AMMECR1: variants seen among roughly 807,000 people sequenced by gnomAD.
AMMECR1 encodes nuclear protein AMMECR1.
AMMECR1 carries 3 observed loss-of-function variants against 22.5 expected under a neutral mutation model. That is an observed-to-expected ratio of 0.13 (90% confidence interval 0.06 to 0.35). The LOEUF is 0.35. Among genes scored for constraint, AMMECR1 ranks in the 10% least tolerant of loss-of-function variants. The pLI is 1.00. For synonymous variants in AMMECR1, 130 were observed against 116.7 expected (o/e 1.11, Z -0.74); for missense variants, 235 against 278.7 (o/e 0.84, Z 1.12).
chrX:110,328,044 G>A (rs1368635903), intron 2 of AMMECR1, among the ~76,000 whole-genome samples: 1 of 111,692 alleles, frequency 9.0e-6, no homozygotes, highest in Non-Finnish European at 1.9e-5. Context: ...AAGAGGAAGG[G>A]TGTTAATTTT....
intron 2 of AMMECR1, among the ~76,000 whole-genome samples, chrX:110,412,202 C>T (rs1489581932): frequency 1.8e-5 from 2 of 112,480 alleles, no homozygotes; most frequent in Non-Finnish European, 3.8e-5. Flanking sequence ...TGAAACAGCA[C>T]ACTCATTCAC....
rs2067363738 is a variant in AMMECR1 at position 110,195,100 on chromosome X, A to G, written c.*3420T>C. 1 of 112,320 alleles carries G rather than the reference A, an allele frequency of 8.9e-6. No individual in the cohort carries two copies. The highest frequency in any genetic ancestry group is 3.7e-4 in the South Asian group (1 of 2,729). The allele number at this position is 112,320 out of a possible 1,213,427, so 9.3% of individuals were successfully genotyped here. A position where few individuals can be genotyped will look rare whatever the true frequency, so the allele number is the denominator to read the frequency against. ...GCTGGGGGCTTCTTTGGTTTGATCT[A>G]ACACACATAAGAGATGGAACCTATT... On this transcript the variant is annotated 3_prime_UTR_variant, in exon 6 of 6. Transcript: ENST00000262844.
chrX:110,243,636 C>T lies in AMMECR1; in HGVS notation c.584+20853G>A, dbSNP rs755698993. ...GATATTTAAATTCCATAACAACCGC[C>T]CAATGTTTACAAACATTTATTTCTT... On this transcript the variant is annotated intron_variant, in intron 2 of 5. Transcript: ENST00000262844. 7.2e-5 allele frequency among the ~76,000 whole-genome samples: 8 copies of T among 111,786 alleles called. No homozygotes were observed. The South Asian group carries it at 3.0e-3, about 41-fold the overall frequency.
At chrX:110,411,505 A>C (rs748608882) in intron 2 of AMMECR1, among the ~76,000 whole-genome samples, 1 of 112,468 alleles carries the variant, frequency 8.9e-6, no homozygotes, top group Admixed American at 9.4e-5. Flanking sequence ...GAAACCATTA[A>C]AAGATTAGAA....
chrX:110,236,120 C>G (rs191024940), intron 2 of AMMECR1, among the ~76,000 whole-genome samples: 54 of 111,649 alleles, frequency 4.8e-4, no homozygotes, highest in Non-Finnish European at 5.3e-4. Flanking sequence ...AAACTTTTCA[C>G]GAATAAGTAG....
chrX:110,241,658 C>G (rs1000925996), intron 2 of AMMECR1, among the ~76,000 whole-genome samples: 1 of 103,909 alleles, frequency 9.6e-6, no homozygotes, highest in African/African-American at 3.5e-5. Flanking sequence ...CAGGGCCTGT[C>G]GGGGGGTGGG....
intron 2 of AMMECR1, among the ~76,000 whole-genome samples, chrX:110,406,114 G>GT (rs201895781): frequency 3.4e-3 from 357 of 103,627 alleles, no homozygotes; most frequent in African/African-American, 7.6e-3. Context: ...CTGGAAAGTG[G>GT]TTTTTTTTTT....
At chrX:110,414,938 T>C (rs190403261) in intron 2 of AMMECR1, among the ~76,000 whole-genome samples, 5 of 112,350 alleles carry the variant, frequency 4.5e-5, no homozygotes, top group Non-Finnish European at 9.4e-5. Context: ...GACACCTTGC[T>C]TTCTTCTGAA....
chrX:110,197,727 G>A lies in AMMECR1; in HGVS notation c.*793C>T, dbSNP rs1432631042. 2 of 111,758 alleles carry A rather than the reference G, an allele frequency of 1.8e-5. No individual in the cohort carries two copies. Among genetic ancestry groups the A allele is most frequent in the African/African-American group, 6.5e-5 (2 of 30,654 alleles). The allele number at this position is 111,758 out of a possible 1,213,427, so 9.2% of individuals were successfully genotyped here. A position where few individuals can be genotyped will look rare whatever the true frequency, so the allele number is the denominator to read the frequency against. On this transcript the variant is annotated 3_prime_UTR_variant, in exon 6 of 6. Transcript: ENST00000262844. ...TTTCCTGTAGCCTTTTTGAAAGGTA[G>A]TTTGTACCTTCTCCAAACAGTGTTT...
chrX:110,234,370 A>G (rs751976377), intron 2 of AMMECR1, among the ~76,000 whole-genome samples: 116 of 108,432 alleles, frequency 1.1e-3, no homozygotes, highest in Middle Eastern at 9.5e-3. Context: ...TCATGGATAG[A>G]AAGAATCGAT....
chrX:110,305,625 G>C (rs993417875), intron 1 of AMMECR1: 2 of 111,674 alleles, frequency 1.8e-5, no homozygotes, highest in African/African-American at 6.5e-5. Context: ...TTAGATGTAA[G>C]TTTTTCATTA....
intron 1 of AMMECR1, among the ~76,000 whole-genome samples, chrX:110,316,467 C>A (rs1357041253): frequency 1.8e-5 from 2 of 110,726 alleles, no homozygotes. Context: ...CTTGTTGATG[C>A]TAAGTACTCA....
intron 2 of AMMECR1, among the ~76,000 whole-genome samples, chrX:110,330,880 C>T (rs1405478625): frequency 9.0e-6 from 1 of 111,489 alleles, no homozygotes; most frequent in Non-Finnish European, 1.9e-5. Flanking sequence ...GAAAGAATAA[C>T]TCTCATATAC....
intron 2 of AMMECR1, among the ~76,000 whole-genome samples, chrX:110,262,397 G>A: frequency 8.9e-6 from 1 of 111,892 alleles, no homozygotes; most frequent in Middle Eastern, 4.7e-3. Context: ...AAGCTGTATA[G>A]AAACATGAGA....
At chrX:110,305,148 T>C (rs1472366218) in intron 1 of AMMECR1, among the ~76,000 whole-genome samples, 1 of 112,164 alleles carries the variant, frequency 8.9e-6, no homozygotes, top group Non-Finnish European at 1.9e-5. Context: ...ATTTTATAGA[T>C]TTCTCACCCA....
chrX:110,349,049 GAAAATA>G (rs1380061969), intron 2 of AMMECR1, among the ~76,000 whole-genome samples: 1 of 111,679 alleles, frequency 9.0e-6, no homozygotes, highest in Non-Finnish European at 1.9e-5. Context: ...CTTAAAAGAA[GAAAATA>G]AAAATAAAGT....
At chrX:110,336,666 G>C (rs2068142900) in intron 2 of AMMECR1, among the ~76,000 whole-genome samples, 2 of 110,378 alleles carry the variant, frequency 1.8e-5, no homozygotes, top group Non-Finnish European at 3.8e-5. Flanking sequence ...AGTGAACTCA[G>C]ATCACCTGGG....
Position 110,318,035 on chromosome X carries a change from G to A in AMMECR1, c.37C>T (p.Leu13=). The A allele has an allele frequency of 8.3e-7, 1 of 1,205,673 alleles. No individual in the cohort carries two copies. The highest frequency in any genetic ancestry group is 1.1e-6 in the Non-Finnish European group (1 of 893,419). ...AGCCGVKKQK[L]SSSPPSGSGG... is the part of the protein sequence containing the mutation. Reference sequence around the variant, plus strand: ...GAGCCAGAGGGGGGCGAACTGGACAGTTTCTGCTTCTTCACCCCGCAGCAA... The same window carrying A: ...GAGCCAGAGGGGGGCGAACTGGACAATTTCTGCTTCTTCACCCCGCAGCAA... The change falls in exon 1 of 6, where the codon CTG becomes TTG. Residue 13 remains leucine, a synonymous_variant. Transcript: ENST00000262844.
At chrX:110,358,306 T>C (rs1014612243) in intron 2 of AMMECR1, among the ~76,000 whole-genome samples, 2 of 111,496 alleles carry the variant, frequency 1.8e-5, no homozygotes, top group African/African-American at 6.5e-5. Context: ...AAGGGTCAAA[T>C]TGAGATGACA....
Sources: allele counts gnomAD v4.1 joint callset (sites outside exome capture counted in the v4.1 genomes callset), GRCh38; gene constraint gnomAD v4.1.1; transcripts MANE v1.5; gene names NCBI Gene and HGNC (gene_info 2026-07-23, HGNC 2026-07-21).